The following CNTN6 variants were observed in gnomAD, a reference collection of about 807,000 sequenced individuals.
The protein encoded by CNTN6 is contactin-6.
A neutral mutation model predicts 122.8 loss-of-function variants in CNTN6; 137 were observed. That is an observed-to-expected ratio of 1.12 (90% confidence interval 0.97 to 1.29). The LOEUF (loss-of-function observed/expected upper bound fraction) is 1.29, where lower values mean the gene tolerates loss of function less well. Among genes scored for constraint, CNTN6 ranks in the 50% most tolerant of loss-of-function variants. CNTN6 has a pLI of 0.00. For missense variants in CNTN6, 1,634 were observed against 1,223.4 expected, an observed-to-expected ratio of 1.34 and a Z score of -5.01; for synonymous variants, 570 against 426.0, an observed-to-expected ratio of 1.34 and a Z score of -4.16.
At chr3:1,236,399 T>A (rs1263685492) in intron 4 of CNTN6, among the ~76,000 whole-genome samples, 4 of 151,980 alleles carry the variant, frequency 2.6e-5, no homozygotes, top group Non-Finnish European at 4.4e-5. Flanking sequence ...TAAAGATGGA[T>A]CACATTACAG....
intron 1 of CNTN6, among the ~76,000 whole-genome samples, chr3:1,132,690 T>TAAATAAATAAAC (rs1362170070): frequency 6.7e-6 from 1 of 149,514 alleles, no homozygotes; most frequent in Non-Finnish European, 1.5e-5. Flanking sequence ...AATAAATAAA[T>TAAATAAATAAAC]AACGTGAAGA....
chr3:1,189,650 T>C (rs9840388), intron 2 of CNTN6, among the ~76,000 whole-genome samples: 85,390 of 151,956 alleles, frequency 0.56, 25,569 homozygotes, highest in East Asian at 0.83. Flanking sequence ...GCCTCCTTCA[T>C]GTCGACTCCA....
chr3:1,402,671 A>G lies in CNTN6; in HGVS notation c.2986+185A>G, dbSNP rs1218871657. 2.1e-5 allele frequency: 10 copies of G among 470,230 alleles called. No homozygotes were observed. The Admixed American group carries it at 2.6e-4, about 12-fold the overall frequency. The allele number at this position is 470,230 out of a possible 1,614,324, so 29.1% of individuals were successfully genotyped here. Reference sequence around the variant, plus strand: ...TCCAAAATTATAACATACACTATAAATGGTTTTATGCTTCCTCATTTGAAA... The same window carrying G: ...TCCAAAATTATAACATACACTATAAGTGGTTTTATGCTTCCTCATTTGAAA... On this transcript the variant is annotated intron_variant, in intron 22 of 22. Coordinates refer to ENST00000446702, the MANE Select transcript of CNTN6 (RefSeq NM_001289080.2).
rs1384924632 is a variant in CNTN6 at position 1,139,299 on chromosome 3, T to G, written c.-82-8628T>G. Among the ~76,000 whole-genome samples, 3 of 152,110 alleles carry G rather than the reference T, an allele frequency of 2.0e-5. 1 individual carries two copies. Among genetic ancestry groups the G allele is most frequent in the African/African-American group, 7.2e-5 (3 of 41,438 alleles). On this transcript the variant is annotated intron_variant, in intron 1 of 22. Transcript: ENST00000446702. ...TAGTCCCTGCATTCTGTTATTGAAT[T>G]CATTGCTGAGAATTGAAACTAGCAT... is the stretch of plus-strand genomic sequence containing the variant.
chr3:1,201,004 GCAA>G (rs1405870295), intron 2 of CNTN6, among the ~76,000 whole-genome samples: 1 of 146,278 alleles, frequency 6.8e-6, no homozygotes, highest in Non-Finnish European at 1.5e-5. Context: ...TAGGCTCACT[GCAA>G]CCTCTGCCTC....
At chr3:1,201,238 G>C (rs561046560) in intron 2 of CNTN6, among the ~76,000 whole-genome samples, 2 of 151,956 alleles carry the variant, frequency 1.3e-5, no homozygotes. Context: ...CTCCCAAAGT[G>C]CTGGGATTAC....
intron 5 of CNTN6, among the ~76,000 whole-genome samples, chr3:1,287,338 T>C (rs551935878): frequency 7.2e-5 from 11 of 152,278 alleles, no homozygotes; most frequent in African/African-American, 2.6e-4. Flanking sequence ...CCTCCAATTG[T>C]GGGAAAATTT....
At chr3:1,258,503 G>T (rs557231454) in intron 4 of CNTN6, among the ~76,000 whole-genome samples, 1 of 152,190 alleles carries the variant, frequency 6.6e-6, no homozygotes, top group South Asian at 2.1e-4. Context: ...GAGTCACAAA[G>T]CTTGAGTGTG....
At chr3:1,192,414 C>G (rs1410139545) in intron 2 of CNTN6, among the ~76,000 whole-genome samples, 1 of 152,078 alleles carries the variant, frequency 6.6e-6, no homozygotes, top group Non-Finnish European at 1.5e-5. Context: ...TATTTCCTGT[C>G]TAGCATTCTG....
intron 2 of CNTN6, among the ~76,000 whole-genome samples, chr3:1,159,878 T>C (rs757001203): frequency 6.6e-5 from 10 of 152,032 alleles, no homozygotes; most frequent in Non-Finnish European, 1.3e-4. Context: ...TGGAGTACAG[T>C]GGCGCGGTCT....
At chr3:1,110,554 G>A (rs1004402464) in intron 1 of CNTN6, among the ~76,000 whole-genome samples, 7 of 152,052 alleles carry the variant, frequency 4.6e-5, no homozygotes, top group Non-Finnish European at 1.0e-4. Context: ...CAAATTTGGG[G>A]AAAAAGAAAT....
intron 7 of CNTN6, among the ~76,000 whole-genome samples, chr3:1,314,883 C>T (rs2125938947): frequency 6.6e-6 from 1 of 152,116 alleles, no homozygotes; most frequent in South Asian, 2.1e-4. Context: ...AAGGCTTTTG[C>T]AATGCTCCTT....
intron 5 of CNTN6, among the ~76,000 whole-genome samples, chr3:1,291,605 G>T (rs549174397): frequency 6.6e-6 from 1 of 152,280 alleles, no homozygotes; most frequent in East Asian, 1.9e-4. Context: ...TTCACAAAAA[G>T]GTTCAAAAGA....
At chr3:1,333,841 G>A (rs986572232) in intron 11 of CNTN6, among the ~76,000 whole-genome samples, 1 of 152,068 alleles carries the variant, frequency 6.6e-6, no homozygotes, top group Non-Finnish European at 1.5e-5. Flanking sequence ...GCTTAGACTT[G>A]GTGCCAAGTC....
intron 1 of CNTN6, among the ~76,000 whole-genome samples, chr3:1,102,611 C>T (rs950559286): frequency 2.0e-5 from 3 of 149,490 alleles, no homozygotes; most frequent in African/African-American, 7.3e-5. Flanking sequence ...GCCTGTAGTC[C>T]CAGCTACTCG....
In CNTN6 at chr3:1,245,310, ATATAT is replaced by A. The variant is rs1232824930; in HGVS notation, c.358+17318_358+17322del. 1.8e-4 allele frequency among the ~76,000 whole-genome samples: 3 copies of A among 16,754 alleles called. 1 individual carries two copies. The highest frequency in any genetic ancestry group is 2.3e-4 in the Non-Finnish European group (2 of 8,698). The allele number at this position is 16,754 out of a possible 152,430, so 11.0% of individuals were successfully genotyped here. A position where few individuals can be genotyped will look rare whatever the true frequency, so the allele number is the denominator to read the frequency against. On this transcript the variant is annotated intron_variant, in intron 4 of 22. Transcript: ENST00000446702. ...ATATATATAACATATATATATATAT[ATATAT>A]ATATATATATATATATATATAGCAT...
chr3:1,278,527 G>T lies in CNTN6; in HGVS notation c.454+19G>T. On this transcript the variant is annotated intron_variant, in intron 5 of 22. Transcript: ENST00000446702. Reference sequence around the variant, plus strand: ...TTTGGAGGTATGATGGGGTGATTTGGGTCATATCATCAATGCGGTCACTTG... The same window carrying T: ...TTTGGAGGTATGATGGGGTGATTTGTGTCATATCATCAATGCGGTCACTTG... 2 of 1,567,606 alleles carry T rather than the reference G, an allele frequency of 1.3e-6. No individual in the cohort carries two copies. The highest frequency in any genetic ancestry group is 2.2e-5 in the South Asian group (2 of 89,178).
chr3:1,353,085 A>G (rs1363739639), intron 12 of CNTN6, among the ~76,000 whole-genome samples: 1 of 151,700 alleles, frequency 6.6e-6, no homozygotes, highest in Non-Finnish European at 1.5e-5. Flanking sequence ...ATCACCAAGG[A>G]CATAATTAAT....
chr3:1,209,741 G>A (rs1183762260), intron 2 of CNTN6, among the ~76,000 whole-genome samples: 1 of 102,484 alleles, frequency 9.8e-6, no homozygotes, highest in East Asian at 2.2e-4. Context: ...GTAAAACTGT[G>A]AGCCCCAGCA....
Sources: allele counts gnomAD v4.1 joint callset (sites outside exome capture counted in the v4.1 genomes callset), GRCh38; gene constraint gnomAD v4.1.1; transcripts MANE v1.5; gene names NCBI Gene and HGNC (gene_info 2026-07-23, HGNC 2026-07-21).